Variants in ARHGAP32 observed in about 807,000 individuals in gnomAD.
The protein encoded by ARHGAP32 is rho GTPase-activating protein 32.
ARHGAP32 carries 51 observed loss-of-function variants against 186.5 expected under a neutral mutation model. That is an observed-to-expected ratio of 0.27 (90% CI 0.22 to 0.35). ARHGAP32 has a LOEUF of 0.35. ARHGAP32 is among the 10% of genes least tolerant of loss of function. The probability of loss-of-function intolerance (pLI) is 1.00; values close to 1 mark genes in which losing one functional copy is unlikely to be tolerated. For missense variants in ARHGAP32, 2,186 were observed against 2,623.5 expected, an observed-to-expected ratio of 0.83 and a Z score of 3.64; for synonymous variants, 950 against 964.3, an observed-to-expected ratio of 0.99 and a Z score of 0.27.
chr11:129,146,176 A>C (rs1943163741), intron 2 of ARHGAP32, among the ~76,000 whole-genome samples: 1 of 152,184 alleles, frequency 6.6e-6, no homozygotes, highest in Non-Finnish European at 1.5e-5. Flanking sequence ...AAACATTTGC[A>C]AATACTTTTT....
intron 5 of ARHGAP32, 84 bp from the exon 6 acceptor site, chr11:129,093,791 G>A: frequency 3.3e-6 from 3 of 918,014 alleles, no homozygotes; most frequent in South Asian, 1.5e-5. Context: ...AATACCTGGA[G>A]CATCATCTCC....
chr11:129,195,914 TG>T (rs534800127), upstream of ARHGAP32, among the ~76,000 whole-genome samples: 401 of 152,210 alleles, frequency 2.6e-3, no homozygotes, highest in African/African-American at 9.2e-3. Context: ...GACCACAAGG[TG>T]GTTTTAACTC....
At chr11:129,024,860 C>T (rs975661901) in intron 11 of ARHGAP32, among the ~76,000 whole-genome samples, 1 of 152,052 alleles carries the variant, frequency 6.6e-6, no homozygotes, top group Non-Finnish European at 1.5e-5. Context: ...CAATTCGTGA[C>T]TTTTTAAAGC....
At chr11:129,089,463 G>A (rs1361784820) in intron 6 of ARHGAP32, among the ~76,000 whole-genome samples, 1 of 152,220 alleles carries the variant, frequency 6.6e-6, no homozygotes, top group Non-Finnish European at 1.5e-5. Context: ...GATGTAGCAA[G>A]AGCACAGTGT....
At chr11:129,068,386 A>C (rs1317358218) in intron 6 of ARHGAP32, among the ~76,000 whole-genome samples, 1 of 152,080 alleles carries the variant, frequency 6.6e-6, no homozygotes, top group Non-Finnish European at 1.5e-5. Context: ...TGCTTTGCTC[A>C]AGCAAACTCC....
chr11:129,124,979 T>C, intron 2 of ARHGAP32, 85 bp from the exon 3 acceptor site: 1 of 926,626 alleles, frequency 1.1e-6, no homozygotes. Flanking sequence ...ATGTTAATAG[T>C]TCTGCTGACT....
At position 128,968,594 on chromosome 11, in the gene ARHGAP32, G is replaced by T; in HGVS notation, c.*313C>A. The T allele has an allele frequency of 4.5e-6, 1 of 223,622 alleles. No individual in the cohort carries two copies. Among genetic ancestry groups the T allele is most frequent in the Non-Finnish European group, 8.6e-6 (1 of 115,824 alleles). The allele number at this position is 223,622 out of a possible 1,614,324, so 13.9% of individuals were successfully genotyped here. A position where few individuals can be genotyped will look rare whatever the true frequency, so the allele number is the denominator to read the frequency against. The stretch of plus-strand genomic sequence containing the variant: ...CTGAATTCAAATTCAGTTAAAGGCA[G>T]TCCTCAGGCTCTTTCAAGCTAGCCC... On this transcript the variant is annotated 3_prime_UTR_variant, in exon 23 of 23. Transcript: ENST00000682385.
At chr11:129,081,385 C>CA (rs1319734570) in intron 6 of ARHGAP32, among the ~76,000 whole-genome samples, 1 of 151,904 alleles carries the variant, frequency 6.6e-6, no homozygotes, top group Non-Finnish European at 1.5e-5. Flanking sequence ...TAACTGAATC[C>CA]AAGAGAATAT....
At chr11:129,156,110 C>T (rs1475591088) in intron 2 of ARHGAP32, among the ~76,000 whole-genome samples, 1 of 152,214 alleles carries the variant, frequency 6.6e-6, no homozygotes, top group East Asian at 1.9e-4. Context: ...CCAGGAGATT[C>T]CCTCAGGTGA....
intron 9 of ARHGAP32, among the ~76,000 whole-genome samples, chr11:129,062,669 T>C (rs1344034568): frequency 2.6e-5 from 4 of 152,196 alleles, no homozygotes; most frequent in African/African-American, 9.6e-5. Context: ...ATCACTTCTG[T>C]TAAAATACTG....
At chr11:129,074,807 T>A (rs2135192545) in intron 6 of ARHGAP32, among the ~76,000 whole-genome samples, 1 of 152,286 alleles carries the variant, frequency 6.6e-6, no homozygotes, top group African/African-American at 2.4e-5. Context: ...AAATTTTTTT[T>A]AATGTAATTG....
At chr11:129,004,922 G>A (rs940697506) in intron 11 of ARHGAP32, among the ~76,000 whole-genome samples, 1 of 151,932 alleles carries the variant, frequency 6.6e-6, no homozygotes, top group African/African-American at 2.4e-5. Context: ...TCTGTTTACT[G>A]GTAGTTTTGT....
At chr11:129,195,774 C>G (rs1163786723), upstream of ARHGAP32, among the ~76,000 whole-genome samples, 1 of 152,170 alleles carries the variant, frequency 6.6e-6, no homozygotes, top group Admixed American at 6.5e-5. Flanking sequence ...GTTTTCTGTT[C>G]CCTTCTCCAG....
At position 129,259,331 on chromosome 11, in the gene ARHGAP32, A is replaced by T. The variant is rs528843487; in HGVS notation, c.-5+19815T>A. Among the ~76,000 whole-genome samples the T allele has an allele frequency of 2.0e-5, 3 of 152,296 alleles. No homozygotes were observed. In the South Asian group the frequency reaches 6.2e-4, roughly 32 times the overall value. The stretch of plus-strand genomic sequence containing the variant: ...GTTTGAACACTGGCTAGGGCAAATA[A>T]GAGAACTATATACAATGGCTGCAAA... On this transcript the variant is annotated intron_variant, in intron 1 of 6. Coordinates refer to the ARHGAP32 transcript ENST00000525234.
chr11:129,095,897 CTT>C (rs1941715091), intron 5 of ARHGAP32, among the ~76,000 whole-genome samples: 1 of 152,230 alleles, frequency 6.6e-6, no homozygotes, highest in African/African-American at 2.4e-5. Flanking sequence ...TCTCACCACT[CTT>C]CAGTTTTCCT....
At chr11:129,192,929 A>G (rs560572180), upstream of ARHGAP32, among the ~76,000 whole-genome samples, 10 of 152,360 alleles carry the variant, frequency 6.6e-5, no homozygotes, top group African/African-American at 2.4e-4. Context: ...TTTAAACTGC[A>G]AACAGTCATG....
At chr11:129,185,892 T>C (rs1199298501) in intron 1 of ARHGAP32, among the ~76,000 whole-genome samples, 5 of 152,142 alleles carry the variant, frequency 3.3e-5, no homozygotes, top group Middle Eastern at 3.4e-3. Flanking sequence ...ACATGTATGA[T>C]TATGAGAACA....
Position 128,978,848 on chromosome 11 carries a change from T to A in ARHGAP32, c.2044A>T (p.Lys682Ter), listed in dbSNP as rs1327002706. The stretch of plus-strand genomic sequence containing the variant: ...TTTCGTTTAGAAACAGATGATGATT[T>A]CCCCAAGTTGAAAAAGGAACGCCAG... ...GSWRSFFNLGKSSSVSKRKLQ... is the reference protein window; with the variant it reads ...GSWRSFFNLG Residue 682 changes from lysine (K) to a stop codon, truncating the protein, a stop_gained, in exon 19 of 23, where the codon AAA becomes TAA. Coordinates refer to ENST00000682385, the MANE Select transcript of ARHGAP32 (RefSeq NM_001378024.1). LOFTEE classifies it high-confidence loss of function. 6.2e-7 allele frequency: 1 copy of A among 1,612,946 alleles called. No individual in the cohort carries two copies. The highest frequency in any genetic ancestry group is 2.2e-5 in the East Asian group (1 of 44,748).
rs114903130 is a variant in ARHGAP32, at chr11:129,040,613, G to A, written c.1045+315C>T. On this transcript the variant is annotated intron_variant, in intron 11 of 22. Coordinates refer to ENST00000682385, the MANE Select transcript of ARHGAP32 (RefSeq NM_001378024.1). ...TTTCAGTTAATCCTACAATTTCTAT[G>A]TTAGTTCTTTAAACCTATTTTTTAA... 2.7e-3 allele frequency among the ~76,000 whole-genome samples: 414 copies of A among 152,164 alleles called. 4 individuals are homozygous for A. The highest frequency in any genetic ancestry group is 9.2e-3 in the African/African-American group (382 of 41,524).
Sources: gnomAD v4.1 joint callset for allele counts (sites outside exome capture counted in the v4.1 genomes callset) on GRCh38, gnomAD v4.1.1 for gene constraint, MANE v1.5 for transcripts, NCBI Gene and HGNC (gene_info 2026-07-23, HGNC 2026-07-21) for gene names.